The following HUNK variants were observed in gnomAD, a reference collection of about 807,000 sequenced individuals.
The protein encoded by HUNK is hormonally up-regulated neu tumor-associated kinase.
In HUNK, 21 loss-of-function variants were observed where a neutral mutation model predicts 61.0. That is an observed-to-expected ratio of 0.34 (90% CI 0.24 to 0.50). The LOEUF (loss-of-function observed/expected upper bound fraction) is 0.50, where lower values mean the gene tolerates loss of function less well. Ranked by LOEUF, HUNK falls within the 20% of genes least tolerant of loss-of-function variation. HUNK has a pLI of 0.98. For synonymous variants in HUNK, 371 were observed against 386.1 expected (o/e 0.96, Z 0.46); for missense variants, 772 against 945.7 (o/e 0.82, Z 2.41).
rs560363151 is a variant in HUNK, at chr21:32,003,299, C to T, written c.*4115C>T. 1 of 152,344 alleles carries T rather than the reference C, an allele frequency of 6.6e-6. No homozygotes were observed. Among genetic ancestry groups the T allele is most frequent in the South Asian group, 2.1e-4 (1 of 4,820 alleles). 9.4% of individuals were successfully genotyped at this position (152,344 alleles called of 1,614,324 possible). On this transcript the variant is annotated 3_prime_UTR_variant, in exon 11 of 11. Coordinates refer to ENST00000270112, the MANE Select transcript of HUNK (RefSeq NM_014586.2). The stretch of plus-strand genomic sequence containing the variant: ...CTTGAAGCTGGGGAAAGACAGCTTT[C>T]TTTGGGAACTCTGTCTTTCTCAGTT...
chr21:31,963,658 A>C (rs1048514488), intron 5 of HUNK, among the ~76,000 whole-genome samples: 2 of 106,544 alleles, frequency 1.9e-5, no homozygotes, highest in Non-Finnish European at 4.9e-5. Flanking sequence ...CACCATGCCC[A>C]GCTAATTTTT....
Position 31,998,747 on chromosome 21 carries a change from C to T in HUNK, c.1708C>T (p.His570Tyr). The T allele has an allele frequency of 6.2e-7, 1 of 1,614,154 alleles. No individual in the cohort carries two copies. Among genetic ancestry groups the T allele is most frequent in the Non-Finnish European group, 8.5e-7 (1 of 1,180,034 alleles). Residue 570 changes from histidine (H) to tyrosine (Y), a missense_variant, in exon 11 of 11, where the codon CAC becomes TAC. Physicochemically the swap from His to Tyr is moderately conservative, Grantham distance 83. Transcript: ENST00000270112. ...CTTCGAGTCTGTGGATCGCGACGACCACGTAGAAGTGCTGTCTCCCTCTCA... is the reference window on the plus strand; with the variant it reads ...CTTCGAGTCTGTGGATCGCGACGACTACGTAGAAGTGCTGTCTCCCTCTCA... ...RSFESVDRDD[H>Y]VEVLSPSHHY... is the part of the protein sequence containing the mutation.
rs549988940 is a variant in HUNK at position 31,998,124 on chromosome 21, G to A, written c.1487-402G>A. Among the ~76,000 whole-genome samples, 16 of 152,190 alleles carry A rather than the reference G, an allele frequency of 1.1e-4. No homozygotes were observed. In the South Asian group the frequency reaches 2.9e-3, roughly 28 times the overall value. The stretch of plus-strand genomic sequence containing the variant: ...TTTAGAGACGGGGTCTTGCCATATT[G>A]CTCACGCTGGTCTTGAATTCCTGGG... On this transcript the variant is annotated intron_variant, in intron 10 of 10. Transcript: ENST00000270112.
chr21:31,875,535 G>A (rs1024070869), intron 1 of HUNK, among the ~76,000 whole-genome samples: 1 of 58 alleles, frequency 0.017, no homozygotes, highest in African/African-American at 0.071. Flanking sequence ...GTTCTAGTCC[G>A]CAGGAGCGAG....
chr21:31,897,306 G>T (rs2052431817), intron 1 of HUNK, among the ~76,000 whole-genome samples: 1 of 152,142 alleles, frequency 6.6e-6, no homozygotes, highest in East Asian at 1.9e-4. Flanking sequence ...TTCAACAATG[G>T]AAATTTATTG....
In HUNK at chr21:31,958,876, G is replaced by A. The variant is rs775557579; in HGVS notation, c.780G>A (p.Thr260=). The change falls in exon 5 of 11, where the codon ACG becomes ACA. Residue 260 remains threonine, a synonymous_variant. Coordinates refer to ENST00000270112, the MANE Select transcript of HUNK (RefSeq NM_014586.2). ...ACATGTATGCCATGTTGACCGGGAC[G>A]CTGCCTTTCACGGTGGAGCCTTTCA... is the stretch of plus-strand genomic sequence containing the variant. ...GVNMYAMLTG[T]LPFTVEPFSL... 39 of 1,609,070 alleles carry A rather than the reference G, an allele frequency of 2.4e-5. No homozygotes were observed. Among genetic ancestry groups the A allele is most frequent in the Non-Finnish European group, 3.2e-5 (38 of 1,178,164 alleles).
chr21:31,933,252 G>GT (rs2052710497), intron 2 of HUNK, among the ~76,000 whole-genome samples: 1 of 152,034 alleles, frequency 6.6e-6, no homozygotes, highest in African/African-American at 2.4e-5. Context: ...ACACCCCTTT[G>GT]TTGCTTCTCC....
intron 1 of HUNK, among the ~76,000 whole-genome samples, chr21:31,893,412 T>C (rs1204634617): frequency 6.6e-6 from 1 of 152,202 alleles, no homozygotes; most frequent in Admixed American, 6.5e-5. Flanking sequence ...GAGCTGCTTC[T>C]TTGTTTGCAG....
chr21:31,945,834 C>T (rs927429458), intron 3 of HUNK, among the ~76,000 whole-genome samples: 1 of 152,166 alleles, frequency 6.6e-6, no homozygotes, highest in Non-Finnish European at 1.5e-5. Context: ...CTCAGCTAAG[C>T]CAGGGAATTC....
At chr21:31,874,153 G>C (rs933417838) in intron 1 of HUNK, among the ~76,000 whole-genome samples, 1 of 152,070 alleles carries the variant, frequency 6.6e-6, no homozygotes, top group African/African-American at 2.4e-5. Context: ...TGGGGGCTTG[G>C]GAGGGGACGG....
At chr21:31,933,893 A>G (rs926865010) in intron 2 of HUNK, among the ~76,000 whole-genome samples, 3 of 151,962 alleles carry the variant, frequency 2.0e-5, no homozygotes, top group African/African-American at 7.3e-5. Context: ...TCTCCCCTCC[A>G]TGAAAGAAGT....
At chr21:31,973,712 C>T (rs982837447) in intron 6 of HUNK, among the ~76,000 whole-genome samples, 1 of 152,092 alleles carries the variant, frequency 6.6e-6, no homozygotes, top group African/African-American at 2.4e-5. Context: ...TGACCCTGGG[C>T]AAGGTACTGC....
In HUNK at chr21:32,003,746, G is replaced by A. The variant is rs1457277096; in HGVS notation, c.*4562G>A. 1 of 152,174 alleles carries A rather than the reference G, an allele frequency of 6.6e-6. No homozygotes were observed. Among genetic ancestry groups the A allele is most frequent in the Non-Finnish European group, 1.5e-5 (1 of 68,036 alleles). 9.4% of individuals were successfully genotyped at this position (152,174 alleles called of 1,614,324 possible). ...ATTTGTACTTCTTCTCTGTGGACAT[G>A]TTTTTGTGACACACAGTTATCTCTA... On this transcript the variant is annotated 3_prime_UTR_variant, in exon 11 of 11. Coordinates refer to ENST00000270112, the MANE Select transcript of HUNK (RefSeq NM_014586.2).
intron 5 of HUNK, among the ~76,000 whole-genome samples, chr21:31,962,021 GCCAAGGGC>G (rs1344863637): frequency 2.6e-5 from 4 of 152,238 alleles, no homozygotes; most frequent in African/African-American, 9.6e-5. Context: ...GTTCTGCCCA[GCCAAGGGC>G]CCAAGGCTGA....
chr21:31,926,935 C>G (rs1327663787), intron 2 of HUNK, among the ~76,000 whole-genome samples: 1 of 151,978 alleles, frequency 6.6e-6, no homozygotes, highest in African/African-American at 2.4e-5. Flanking sequence ...TAATCTAGCT[C>G]TATTTGAAGG....
chr21:31,882,045 G>A (rs112662353), intron 1 of HUNK, among the ~76,000 whole-genome samples: 3,835 of 152,104 alleles, frequency 0.025, 166 homozygotes, highest in African/African-American at 0.087. Flanking sequence ...AGAGACGGTG[G>A]CACTTTCCTG....
chr21:31,990,454 A>G (rs1216556411), intron 9 of HUNK, among the ~76,000 whole-genome samples: 1 of 151,674 alleles, frequency 6.6e-6, no homozygotes, highest in African/African-American at 2.4e-5. Context: ...GACTGATTGG[A>G]TGAGACCCAC....
At position 31,873,493 on chromosome 21, in the gene HUNK, A is replaced by G. The variant is rs8126866; in HGVS notation, c.-182A>G. ...GTCCCCTGGGCAGCCGCTATTGTCT[A>G]CGCGCCTCGCTGGGCGGCGCGGGGG... On this transcript the variant is annotated 5_prime_UTR_variant, in exon 1 of 11. Coordinates refer to ENST00000270112, the MANE Select transcript of HUNK (RefSeq NM_014586.2). This position sits in a 1 kb window ranked among gnomAD's most constrained non-coding sequence, Gnocchi z 6.1. 0.97 allele frequency: 289,247 copies of G among 299,618 alleles called. 139,680 individuals are homozygous for G. The highest frequency in any genetic ancestry group is 1 in the East Asian group (5,738 of 5,740). 18.6% of individuals were successfully genotyped at this position (299,618 alleles called of 1,614,324 possible).
chr21:31,898,652 G>A (rs1052867385), intron 1 of HUNK, among the ~76,000 whole-genome samples: 14 of 152,122 alleles, frequency 9.2e-5, no homozygotes, highest in African/African-American at 3.1e-4. Flanking sequence ...GGACTCTCCC[G>A]TCTTTTGGTC....
Sources: gnomAD v4.1 joint callset for allele counts (sites outside exome capture counted in the v4.1 genomes callset) on GRCh38, gnomAD v4.1.1 for gene constraint, Gnocchi (gnomAD v3.1) non-coding constraint, MANE v1.5 for transcripts, NCBI Gene and HGNC (gene_info 2026-07-23, HGNC 2026-07-21) for gene names.